Variants in ZBTB7C observed in about 807,000 individuals in gnomAD.
The protein encoded by ZBTB7C is zinc finger and BTB domain containing 7C.
Under a neutral mutation model 25.7 loss-of-function variants are expected in ZBTB7C, and 8 were observed. That is an observed-to-expected ratio of 0.31 (90% CI 0.18 to 0.56). The LOEUF is 0.56. Among genes scored for constraint, ZBTB7C ranks in the 20% least tolerant of loss-of-function variants. The pLI, the probability that ZBTB7C is intolerant of heterozygous loss-of-function variation, is 0.91. For missense variants in ZBTB7C, 824 were observed against 855.2 expected (o/e 0.96, Z 0.46); for synonymous variants, 394 against 369.0 (o/e 1.07, Z -0.78).
At chr18:48,135,847 C>A (rs566441066) in intron 3 of ZBTB7C, among the ~76,000 whole-genome samples, 1 of 152,352 alleles carries the variant, frequency 6.6e-6, no homozygotes, top group South Asian at 2.1e-4. Context: ...TTTAGAAGAA[C>A]TGGAAGTGGT....
chr18:48,258,201 C>T (rs2044074513), intron 2 of ZBTB7C, among the ~76,000 whole-genome samples: 1 of 152,184 alleles, frequency 6.6e-6, no homozygotes, highest in Non-Finnish European at 1.5e-5. Context: ...CTAACTACTC[C>T]TATTCAACAT....
At chr18:48,240,625 C>A (rs1339537118) in intron 2 of ZBTB7C, among the ~76,000 whole-genome samples, 2 of 152,128 alleles carry the variant, frequency 1.3e-5, no homozygotes, top group East Asian at 3.8e-4. Flanking sequence ...AAAATAAAGT[C>A]TTTTTCAGAC....
At chr18:48,172,195 C>T (rs1396084807) in intron 3 of ZBTB7C, among the ~76,000 whole-genome samples, 2 of 152,306 alleles carry the variant, frequency 1.3e-5, no homozygotes, top group South Asian at 2.1e-4. Flanking sequence ...GATTCGGCCA[C>T]AGACAGGACA....
chr18:48,128,439 G>T (rs2039877978), intron 3 of ZBTB7C, among the ~76,000 whole-genome samples: 1 of 152,238 alleles, frequency 6.6e-6, no homozygotes, highest in Non-Finnish European at 1.5e-5. Context: ...CAATTGTAAA[G>T]ATATGGAACC....
intron 3 of ZBTB7C, among the ~76,000 whole-genome samples, chr18:48,079,058 G>T (rs1005992162): frequency 2.6e-5 from 4 of 152,176 alleles, no homozygotes; most frequent in African/African-American, 9.7e-5. Context: ...TTTATTTTGG[G>T]TATATGCCTA....
At chr18:48,227,801 C>G (rs1035346063) in intron 2 of ZBTB7C, among the ~76,000 whole-genome samples, 2 of 152,086 alleles carry the variant, frequency 1.3e-5, no homozygotes, top group Non-Finnish European at 2.9e-5. Flanking sequence ...TTATAGGCTG[C>G]CTGGAAGGTA....
At position 48,091,238 on chromosome 18, in the gene ZBTB7C, ATTTT is replaced by A. The variant is rs35051690; in HGVS notation, c.-16-50119_-16-50116del. 1.6e-3 allele frequency among the ~76,000 whole-genome samples: 104 copies of A among 64,668 alleles called. 1 individual carries two copies. The highest frequency in any genetic ancestry group is 2.2e-3 in the Non-Finnish European group (80 of 37,190). 42.4% of individuals were successfully genotyped at this position (64,668 alleles called of 152,430 possible). A position where few individuals can be genotyped will look rare whatever the true frequency, so the allele number is the denominator to read the frequency against. On this transcript the variant is annotated intron_variant, in intron 3 of 4. Transcript: ENST00000590800. The stretch of plus-strand genomic sequence containing the variant: ...AGGCATGTGCCACTATGCCCGGATA[ATTTT>A]TTTTTTTTTTTTTTTTTTTTTGGAG...
At chr18:48,372,009 C>T (rs538238915) in intron 1 of ZBTB7C, among the ~76,000 whole-genome samples, 45 of 152,312 alleles carry the variant, frequency 3.0e-4, no homozygotes, top group East Asian at 1.4e-3. Flanking sequence ...CATCCACCAG[C>T]GGCTCTGCCC....
At chr18:48,097,669 T>C (rs1023158124) in intron 3 of ZBTB7C, among the ~76,000 whole-genome samples, 10 of 152,180 alleles carry the variant, frequency 6.6e-5, no homozygotes, top group Non-Finnish European at 1.2e-4. Context: ...AGTGCTGGGA[T>C]TACAGGCGCG....
At chr18:48,061,514 C>T (rs1598803905) in intron 3 of ZBTB7C, among the ~76,000 whole-genome samples, 1 of 152,304 alleles carries the variant, frequency 6.6e-6, no homozygotes, top group East Asian at 1.9e-4. Context: ...CCTTCAGGCC[C>T]ACAAGCACCC....
At chr18:48,117,535 G>A (rs2039483729) in intron 3 of ZBTB7C, among the ~76,000 whole-genome samples, 1 of 152,132 alleles carries the variant, frequency 6.6e-6, no homozygotes, top group South Asian at 2.1e-4. Context: ...TGACCTCTCT[G>A]GCCTCCTTTT....
At chr18:48,111,660 G>A (rs1471237564) in intron 3 of ZBTB7C, among the ~76,000 whole-genome samples, 1 of 152,160 alleles carries the variant, frequency 6.6e-6, no homozygotes, top group East Asian at 1.9e-4. Flanking sequence ...GGGCCCAGAG[G>A]CAGCTTTGCC....
Position 48,040,513 on chromosome 18 carries a change from C to A in ZBTB7C, c.595G>T (p.Ala199Ser). 2 of 1,613,750 alleles carry A rather than the reference C, an allele frequency of 1.2e-6. No individual in the cohort carries two copies. The highest frequency in any genetic ancestry group is 1.7e-6 in the Non-Finnish European group (2 of 1,179,846). ...PSKTDHLTEKAYSDTPRDFPD... is the reference protein window; with the variant it reads ...PSKTDHLTEKSYSDTPRDFPD... ...AAGTCCCTGGGGGTGTCTGAATAGGCCTTCTCTGTGAGATGGTCTGTCTTG... is the reference window on the plus strand; with the variant it reads ...AAGTCCCTGGGGGTGTCTGAATAGGACTTCTCTGTGAGATGGTCTGTCTTG... Residue 199 changes from alanine (A) to serine (S), a missense_variant, in exon 4 of 5, where the codon GCC (alanine) becomes TCC (serine). By Grantham distance (99) the Ala-to-Ser change is moderately conservative. Coordinates refer to ENST00000590800, the MANE Select transcript of ZBTB7C (RefSeq NM_001318841.2).
At chr18:48,265,324 T>C (rs2044280322) in intron 2 of ZBTB7C, among the ~76,000 whole-genome samples, 1 of 152,232 alleles carries the variant, frequency 6.6e-6, no homozygotes, top group Admixed American at 6.5e-5. Flanking sequence ...TAGTTTCTGA[T>C]TAAAATCTGT....
At chr18:48,256,610 C>T (rs2044029428) in intron 2 of ZBTB7C, among the ~76,000 whole-genome samples, 1 of 151,308 alleles carries the variant, frequency 6.6e-6, no homozygotes, top group South Asian at 2.1e-4. Flanking sequence ...TGGTTTTGTG[C>T]ATTTATATCT....
intron 2 of ZBTB7C, among the ~76,000 whole-genome samples, chr18:48,307,281 C>A (rs1045817772): frequency 1.3e-5 from 2 of 152,204 alleles, no homozygotes; most frequent in Admixed American, 1.3e-4. Context: ...GAGCCAGTAG[C>A]CTCCTCATAT....
intron 1 of ZBTB7C, among the ~76,000 whole-genome samples, chr18:48,383,755 G>T (rs922905322): frequency 6.6e-6 from 1 of 152,042 alleles, no homozygotes; most frequent in Non-Finnish European, 1.5e-5. Flanking sequence ...GAGTTTGATC[G>T]GGGTTGTGGT....
At chr18:48,116,216 C>T (rs2039435006) in intron 3 of ZBTB7C, among the ~76,000 whole-genome samples, 1 of 152,116 alleles carries the variant, frequency 6.6e-6, no homozygotes, top group Non-Finnish European at 1.5e-5. Flanking sequence ...GAAGGCGAGG[C>T]TCGAGCCCAG....
chr18:48,311,567 G>T (rs966430388), intron 2 of ZBTB7C, among the ~76,000 whole-genome samples: 1 of 152,234 alleles, frequency 6.6e-6, no homozygotes, highest in East Asian at 1.9e-4. Context: ...GGACAGGACA[G>T]TCTTGATACA....
Sources: allele counts gnomAD v4.1 joint callset (sites outside exome capture counted in the v4.1 genomes callset), GRCh38; gene constraint gnomAD v4.1.1; transcripts MANE v1.5; gene names NCBI Gene and HGNC (gene_info 2026-07-23, HGNC 2026-07-21).